The following OR4N2 variants were observed in gnomAD, a reference collection of about 807,000 sequenced individuals.
The protein encoded by OR4N2 is olfactory receptor family 4 subfamily N member 2.
For synonymous variants in OR4N2, 141 were observed against 140.4 expected, an observed-to-expected ratio of 1.00 and a Z score of -0.03; for missense variants, 307 against 377.6, an observed-to-expected ratio of 0.81 and a Z score of 1.55.
intron 1 of OR4N2, among the ~76,000 whole-genome samples, chr14:19,804,466 A>C (rs971540526): frequency 1.3e-5 from 2 of 152,138 alleles, no homozygotes; most frequent in African/African-American, 4.8e-5. Context: ...TTTACCCAAA[A>C]GTCATTCAGG....
chr14:19,827,784 A>G lies in OR4N2; in HGVS notation c.336A>G (p.Gly112=). The G allele has an allele frequency of 6.2e-7, 1 of 1,614,138 alleles. No individual in the cohort carries two copies. The highest frequency in any genetic ancestry group is 2.2e-5 in the East Asian group (1 of 44,890). ...FFLHFLGGGE[G]LLLVVMAFDR... ...TGCACTTCCTTGGAGGAGGGGAGGG[A>G]TTACTCCTTGTTGTGATGGCCTTTG... is the stretch of plus-strand genomic sequence containing the variant. The change falls in exon 2 of 2, where the codon GGA becomes GGG. Residue 112 remains glycine (G), a synonymous_variant. Coordinates refer to ENST00000557677, the MANE Select transcript of OR4N2 (RefSeq NM_001004723.3).
intron 1 of OR4N2, among the ~76,000 whole-genome samples, chr14:19,819,875 A>G (rs1490960291): frequency 6.6e-6 from 1 of 152,196 alleles, no homozygotes; most frequent in Non-Finnish European, 1.5e-5. Flanking sequence ...TTTTGGGTGG[A>G]CATCCTTTTT....
chr14:19,818,069 T>C (rs1879472209), intron 1 of OR4N2, among the ~76,000 whole-genome samples: 1 of 152,258 alleles, frequency 6.6e-6, no homozygotes, highest in Non-Finnish European at 1.5e-5. Context: ...TTATGATTTC[T>C]GTTCTTTTGC....
chr14:19,813,341 G>T (rs183006758), intron 1 of OR4N2, among the ~76,000 whole-genome samples: 171 of 152,336 alleles, frequency 1.1e-3, no homozygotes, highest in African/African-American at 3.9e-3. Flanking sequence ...AATGCCATGC[G>T]AGCTGTCACA....
At chr14:19,823,945 A>T (rs546474332) in intron 1 of OR4N2, among the ~76,000 whole-genome samples, 2 of 152,382 alleles carry the variant, frequency 1.3e-5, no homozygotes, top group African/African-American at 4.8e-5. Context: ...AGGCATGCAC[A>T]CACAGAGTTG....
chr14:19,823,950 G>C (rs1292099283), intron 1 of OR4N2, among the ~76,000 whole-genome samples: 3 of 152,230 alleles, frequency 2.0e-5, no homozygotes, highest in Non-Finnish European at 2.9e-5. Flanking sequence ...TGCACACACA[G>C]AGTTGCCTGG....
intron 1 of OR4N2, among the ~76,000 whole-genome samples, chr14:19,810,411 A>G (rs1466432655): frequency 3.9e-5 from 6 of 152,234 alleles, no homozygotes; most frequent in Middle Eastern, 3.2e-3. Flanking sequence ...TAGTTCAGCC[A>G]TTGTGGAAAG....
At chr14:19,814,315 TAGG>T (rs1448687063) in intron 1 of OR4N2, among the ~76,000 whole-genome samples, 1 of 152,228 alleles carries the variant, frequency 6.6e-6, no homozygotes, top group Non-Finnish European at 1.5e-5. Flanking sequence ...TCATGCTATG[TAGG>T]AGGTCACCTT....
At chr14:19,809,177 C>G (rs1366175388) in intron 1 of OR4N2, among the ~76,000 whole-genome samples, 1 of 152,158 alleles carries the variant, frequency 6.6e-6, no homozygotes, top group Non-Finnish European at 1.5e-5. Flanking sequence ...AAACTTGACC[C>G]TTATTTTTCA....
At chr14:19,825,521 G>C (rs1212861325) in intron 1 of OR4N2, among the ~76,000 whole-genome samples, 2 of 149,344 alleles carry the variant, frequency 1.3e-5, no homozygotes, top group South Asian at 2.1e-4. Flanking sequence ...CCATGTGCTA[G>C]AGCACTTATT....
intron 1 of OR4N2, among the ~76,000 whole-genome samples, chr14:19,820,511 T>G (rs1879537545): frequency 6.6e-6 from 1 of 152,270 alleles, no homozygotes; most frequent in Admixed American, 6.5e-5. Flanking sequence ...CATTTAAGTC[T>G]GCTGAAGCTG....
At chr14:19,823,671 A>G (rs1449903616) in intron 1 of OR4N2, among the ~76,000 whole-genome samples, 1 of 152,208 alleles carries the variant, frequency 6.6e-6, no homozygotes, top group East Asian at 1.9e-4. Context: ...AGATAAATGT[A>G]AGGGAGAAGA....
intron 1 of OR4N2, among the ~76,000 whole-genome samples, chr14:19,809,597 A>G (rs1332755522): frequency 2.6e-5 from 4 of 152,238 alleles, no homozygotes; most frequent in Non-Finnish European, 5.9e-5. Context: ...CCCAACCTCA[A>G]ACTATACTAT....
At chr14:19,818,745 G>C (rs1424987090) in intron 1 of OR4N2, among the ~76,000 whole-genome samples, 1 of 152,192 alleles carries the variant, frequency 6.6e-6, no homozygotes, top group Non-Finnish European at 1.5e-5. Flanking sequence ...TGGTTATTTT[G>C]CCTGTTGGTT....
chr14:19,827,575 T>C lies in OR4N2; in HGVS notation c.127T>C (p.Phe43Leu). ...IFYFIILPGN[F>L]LIIFTIKSDP... Reference sequence around the variant, plus strand: ...CTACTTCATCATCCTCCCTGGAAATTTTCTCATTATTTTCACCATAAAGTC... The same window carrying C: ...CTACTTCATCATCCTCCCTGGAAATCTTCTCATTATTTTCACCATAAAGTC... The change falls in exon 2 of 2, where the codon TTT (phenylalanine) becomes CTT (leucine). Residue 43 changes from phenylalanine (F) to leucine (L), a missense_variant. Physicochemically the swap from Phe to Leu is conservative, Grantham distance 22. Coordinates refer to ENST00000557677, the MANE Select transcript of OR4N2 (RefSeq NM_001004723.3). 6.2e-7 allele frequency: 1 copy of C among 1,614,170 alleles called. No individual in the cohort carries two copies. The highest frequency in any genetic ancestry group is 8.5e-7 in the Non-Finnish European group (1 of 1,180,022).
intron 1 of OR4N2, among the ~76,000 whole-genome samples, chr14:19,825,878 C>A (rs1375083438): frequency 5.9e-5 from 9 of 152,310 alleles, no homozygotes; most frequent in African/African-American, 2.2e-4. Flanking sequence ...TTATTTAAAA[C>A]AAATACACTG....
intron 1 of OR4N2, among the ~76,000 whole-genome samples, chr14:19,815,205 T>C (rs971079869): frequency 4.6e-5 from 7 of 152,248 alleles, no homozygotes; most frequent in African/African-American, 1.7e-4. Context: ...GATTGCTGGG[T>C]CAAATGGTAT....
chr14:19,819,637 C>T (rs1023436047), intron 1 of OR4N2, among the ~76,000 whole-genome samples: 2 of 152,208 alleles, frequency 1.3e-5, no homozygotes, highest in Admixed American at 1.3e-4. Flanking sequence ...GAACATGCTC[C>T]TTTAGCTCAG....
chr14:19,810,583 AT>A (rs1879271810), intron 1 of OR4N2, among the ~76,000 whole-genome samples: 1 of 152,214 alleles, frequency 6.6e-6, no homozygotes, highest in East Asian at 1.9e-4. Context: ...GTTGCCATCA[AT>A]GGTAAACTGT....
Sources: gnomAD v4.1 joint callset for allele counts (sites outside exome capture counted in the v4.1 genomes callset) on GRCh38, gnomAD v4.1.1 for gene constraint, MANE v1.5 for transcripts, NCBI Gene and HGNC (gene_info 2026-07-23, HGNC 2026-07-21) for gene names.